Variants in CPXCR1 observed in about 807,000 individuals in gnomAD.
CPXCR1 encodes the protein CPX chromosome region candidate 1, also known as CPX chromosomal region candidate gene 1 protein.
CPXCR1 carries 15 observed loss-of-function variants against 13.8 expected under a neutral mutation model. The ratio of observed to expected loss-of-function variants is 1.09; its 90% confidence interval spans 0.73 to 1.67. The LOEUF (loss-of-function observed/expected upper bound fraction) is 1.67. Ranked by LOEUF, CPXCR1 falls within the 40% of genes most tolerant of loss-of-function variation. The probability of loss-of-function intolerance (pLI) is 0.00; values close to 1 mark genes in which losing one functional copy is unlikely to be tolerated. For missense variants in CPXCR1, 247 were observed against 223.6 expected (o/e 1.10, Z -0.67); for synonymous variants, 70 against 76.7 (o/e 0.91, Z 0.46).
intron 1 of CPXCR1, among the ~76,000 whole-genome samples, chrX:88,748,835 AT>A (rs1277867404): frequency 9.1e-4 from 21 of 23,026 alleles, no homozygotes; most frequent in East Asian, 3.5e-3. Flanking sequence ...TTACATATGT[AT>A]TTTTTTCTTT....
Position 88,753,977 on chromosome X carries a change from C to G in CPXCR1, c.563C>G (p.Thr188Ser). Residue 188 changes from threonine (T) to serine (S), a missense_variant, in exon 3 of 3, where the codon ACC becomes AGC. Transcript: ENST00000276127. ...TGTCTTTACCATCCAAATAGTTTCA[C>G]CCATCACGAGAGAGCCATAACATTT... is the stretch of plus-strand genomic sequence containing the variant. ...IACLYHPNSF[T>S]HHERAITFRR... 8.3e-7 allele frequency: 1 copy of G among 1,209,230 alleles called. No homozygotes were observed. Among genetic ancestry groups the G allele is most frequent in the South Asian group, 1.8e-5 (1 of 56,864 alleles).
chrX:88,750,157 C>A (rs1046663648), intron 2 of CPXCR1, among the ~76,000 whole-genome samples: 1 of 110,994 alleles, frequency 9.0e-6, no homozygotes, highest in Non-Finnish European at 1.9e-5. Context: ...TGGCAGTTTT[C>A]AAAGGGAATG....
chrX:88,751,562 C>T (rs1924918134), intron 2 of CPXCR1, among the ~76,000 whole-genome samples: 1 of 111,183 alleles, frequency 9.0e-6, no homozygotes. Flanking sequence ...GGGTGGAGAG[C>T]TCTGTTCATG....
At chrX:88,751,160 T>G (rs1341340115) in intron 2 of CPXCR1, among the ~76,000 whole-genome samples, 1 of 111,407 alleles carries the variant, frequency 9.0e-6, no homozygotes, top group Admixed American at 9.6e-5. Flanking sequence ...AATCGTGAGG[T>G]TAGGGTGCCG....
Position 88,753,682 on chromosome X carries a change from C to A in CPXCR1, c.268C>A (p.Leu90Ile). 8.3e-7 allele frequency: 1 copy of A among 1,210,438 alleles called. No homozygotes were observed. Among genetic ancestry groups the A allele is most frequent in the East Asian group, 3.0e-5 (1 of 33,757 alleles). Reference protein sequence around the residue: ...QREEDLKEELLLLQTPIPRKL... With the variant: ...QREEDLKEELILLQTPIPRKL... ...AGAAGAAGATCTAAAAGAAGAGCTTCTTCTACTTCAGACCCCCATTCCCAG... is the reference window on the plus strand; with the variant it reads ...AGAAGAAGATCTAAAAGAAGAGCTTATTCTACTTCAGACCCCCATTCCCAG... The change falls in exon 3 of 3, where the codon CTT (leucine) becomes ATT (isoleucine). Residue 90 changes from leucine (L) to isoleucine (I), a missense_variant. Transcript: ENST00000276127.
chrX:88,752,009 A>G (rs1454749272), intron 2 of CPXCR1, among the ~76,000 whole-genome samples: 2 of 111,834 alleles, frequency 1.8e-5, no homozygotes, highest in Non-Finnish European at 3.8e-5. Flanking sequence ...ATGTTAGTCA[A>G]TTTCTCAAAC....
In CPXCR1 at chrX:88,753,857, T is replaced by A; in HGVS notation, c.443T>A (p.Ile148Lys). 1 of 1,207,465 alleles carries A rather than the reference T, an allele frequency of 8.3e-7. No individual in the cohort carries two copies. The highest frequency in any genetic ancestry group is 1.7e-5 in the African/African-American group (1 of 57,720). ...WRVPFINSHE[I>K]RSMILHLLCD... ...GTCCCATTTATTAACAGTCATGAGA[T>A]AAGAAGTATGATTCTCCATCTGCTA... Residue 148 changes from isoleucine to lysine, a missense_variant, in exon 3 of 3, where the codon ATA (isoleucine) becomes AAA (lysine). Ile to Lys is a moderately radical substitution (Grantham distance 102). Coordinates refer to ENST00000276127, the MANE Select transcript of CPXCR1 (RefSeq NM_033048.6).
At chrX:88,750,467 T>A (rs12841687) in intron 2 of CPXCR1, among the ~76,000 whole-genome samples, 1 of 111,785 alleles carries the variant, frequency 8.9e-6, no homozygotes, top group East Asian at 2.8e-4. Flanking sequence ...CTGCTGGATT[T>A]GGTTTGCCAG....
intron 2 of CPXCR1, among the ~76,000 whole-genome samples, chrX:88,752,212 C>T (rs1037502838): frequency 3.6e-4 from 40 of 111,119 alleles, no homozygotes; most frequent in Non-Finnish European, 5.8e-4. Flanking sequence ...AGTGTTTGAG[C>T]GGGTAAAAGA....
intron 2 of CPXCR1, 52 bp from the exon 3 acceptor site, chrX:88,753,355 A>C: frequency 1.3e-6 from 1 of 763,715 alleles, no homozygotes; most frequent in Non-Finnish European, 1.8e-6. Context: ...ACTTCTTATA[A>C]AATGGAACAT....
intron 2 of CPXCR1, among the ~76,000 whole-genome samples, chrX:88,751,293 G>T (rs1041992168): frequency 9.8e-5 from 11 of 111,862 alleles, no homozygotes; most frequent in Non-Finnish European, 1.9e-4. Flanking sequence ...TGGTTTCAAA[G>T]AACTTATTTA....
chrX:88,750,554 C>T (rs1275166386), intron 2 of CPXCR1, among the ~76,000 whole-genome samples: 1 of 111,562 alleles, frequency 9.0e-6, no homozygotes, highest in Non-Finnish European at 1.9e-5. Context: ...TGTGTCTCTG[C>T]CAGGTTTTGG....
intron 2 of CPXCR1, among the ~76,000 whole-genome samples, chrX:88,750,438 G>A (rs1030196578): frequency 1.8e-5 from 2 of 111,474 alleles, no homozygotes; most frequent in Non-Finnish European, 3.8e-5. Flanking sequence ...TGATCATGGT[G>A]GATAAGCTTT....
chrX:88,754,446 A>C lies in CPXCR1; in HGVS notation c.*126A>C, dbSNP rs1925021997. ...TAGAGGGAGTAGCAGAAAGGAACAC[A>C]AACTAATAGTACCTCTCAGTAAGAA... On this transcript the variant is annotated 3_prime_UTR_variant, in exon 3 of 3. Transcript: ENST00000276127. 1 of 437,446 alleles carries C rather than the reference A, an allele frequency of 2.3e-6. No individual in the cohort carries two copies. The highest frequency in any genetic ancestry group is 3.8e-5 in the East Asian group (1 of 26,203). 36.1% of individuals were successfully genotyped at this position (437,446 alleles called of 1,213,427 possible). A position where few individuals can be genotyped will look rare whatever the true frequency, so the allele number is the denominator to read the frequency against.
chrX:88,750,040 C>G (rs556772462), intron 2 of CPXCR1, among the ~76,000 whole-genome samples: 244 of 110,476 alleles, frequency 2.2e-3, no homozygotes, highest in Non-Finnish European at 3.9e-3. Flanking sequence ...AATTTGACTT[C>G]CTCTGTTCTT....
At chrX:88,750,170 T>G (rs1924877898) in intron 2 of CPXCR1, among the ~76,000 whole-genome samples, 1 of 111,105 alleles carries the variant, frequency 9.0e-6, no homozygotes, top group African/African-American at 3.3e-5. Context: ...AGGGAATGCT[T>G]TCAGTTTTTG....
Position 88,754,340 on chromosome X carries a change from A to T in CPXCR1, c.*20A>T. The T allele has an allele frequency of 1.0e-6, 1 of 983,522 alleles. No individual in the cohort carries two copies. The highest frequency in any genetic ancestry group is 1.4e-6 in the Non-Finnish European group (1 of 729,041). The allele number at this position is 983,522 out of a possible 1,213,427, so 81.1% of individuals were successfully genotyped here. A position where few individuals can be genotyped will look rare whatever the true frequency, so the allele number is the denominator to read the frequency against. On this transcript the variant is annotated 3_prime_UTR_variant, in exon 3 of 3. Transcript: ENST00000276127. Reference sequence around the variant, plus strand: ...AATTAAATTAAATTGGGGTAAATTCATTTTAAAATATAACTTCTAAAATTC... The same window carrying T: ...AATTAAATTAAATTGGGGTAAATTCTTTTTAAAATATAACTTCTAAAATTC...
chrX:88,753,255 G>C (rs981823299), intron 2 of CPXCR1, among the ~76,000 whole-genome samples, 152 bp from the exon 3 acceptor site: 4 of 111,573 alleles, frequency 3.6e-5, no homozygotes, highest in Non-Finnish European at 5.6e-5. Context: ...ACTTTATTCT[G>C]TGGGTTTGTG....
intron 2 of CPXCR1, among the ~76,000 whole-genome samples, chrX:88,751,268 T>A (rs1320821364): frequency 8.9e-6 from 1 of 112,062 alleles, no homozygotes; most frequent in Non-Finnish European, 1.9e-5. Context: ...TGGTTTGTTG[T>A]GACTTTGTTC....
Sources: gnomAD v4.1 joint callset for allele counts (sites outside exome capture counted in the v4.1 genomes callset) on GRCh38, gnomAD v4.1.1 for gene constraint, MANE v1.5 for transcripts, NCBI Gene and HGNC (gene_info 2026-07-23, HGNC 2026-07-21) for gene names.